Variants in IL17RE observed in about 807,000 individuals in gnomAD.
The protein encoded by IL17RE is interleukin 17 receptor E.
A neutral mutation model predicts 70.7 loss-of-function variants in IL17RE; 47 were observed. The ratio of observed to expected loss-of-function variants is 0.67; its 90% CI spans 0.53 to 0.85. The LOEUF (loss-of-function observed/expected upper bound fraction) is 0.85. IL17RE is among the 40% of genes least tolerant of loss of function. IL17RE has a pLI of 0.00. For missense variants in IL17RE, 850 were observed against 893.9 expected (o/e 0.95, Z 0.63); for synonymous variants, 372 against 381.2 (o/e 0.98, Z 0.28).
At position 9,911,443 on chromosome 3, in the gene IL17RE, G is replaced by C; in HGVS notation, c.1073G>C (p.Gly358Ala). ...SSHVECPHQT[G>A]SLTSWNVSMD... ...AACACCCCCACCCCGCCCCAAACAGGGTCTCTCACATCCTGGAATGTAAGC... is the reference window on the plus strand; with the variant it reads ...AACACCCCCACCCCGCCCCAAACAGCGTCTCTCACATCCTGGAATGTAAGC... The change falls in exon 12 of 16, where the codon GGG becomes GCG. Residue 358 changes from glycine (G) to alanine (A), a missense_variant and splice_region_variant. Gly to Ala is a moderately conservative substitution (Grantham distance 60). Coordinates refer to ENST00000383814, the MANE Select transcript of IL17RE (RefSeq NM_153480.2). The C allele has an allele frequency of 6.2e-7, 1 of 1,613,878 alleles. No individual in the cohort carries two copies. Among genetic ancestry groups the C allele is most frequent in the Non-Finnish European group, 8.5e-7 (1 of 1,179,914 alleles).
chr3:9,912,924 C>A (rs955687203), intron 12 of IL17RE, among the ~76,000 whole-genome samples: 4 of 152,030 alleles, frequency 2.6e-5, no homozygotes, highest in African/African-American at 9.7e-5. Flanking sequence ...TTGTGCCCAC[C>A]CTGTAGCAGG....
intron 13 of IL17RE, 114 bp from the exon 14 acceptor site, chr3:9,914,434 G>A: frequency 6.5e-7 from 1 of 1,537,080 alleles, no homozygotes; most frequent in Non-Finnish European, 8.7e-7. Context: ...AACCCACCTG[G>A]GAAGAATTCC....
At position 9,914,681 on chromosome 3, in the gene IL17RE, T is replaced by TTGGC; in HGVS notation, c.1351_1352insTGGC (p.Ser451LeufsTer61). 1 of 1,614,112 alleles carries TTGGC rather than the reference T, an allele frequency of 6.2e-7. No individual in the cohort carries two copies. The highest frequency in any genetic ancestry group is 8.5e-7 in the Non-Finnish European group (1 of 1,179,972). On this transcript the variant is annotated frameshift_variant, in exon 15 of 16. Transcript: ENST00000383814. LOFTEE classifies it high-confidence loss of function. ...TGGCCTCATCCTGCTTGACTCAGTC[T>TTGGC]CTTACAGACACCTGGGGCTCTTGAT...
chr3:9,908,715 T>A (rs2082816812), intron 7 of IL17RE, among the ~76,000 whole-genome samples: 1 of 152,176 alleles, frequency 6.6e-6, no homozygotes. Flanking sequence ...CCTTTTCTCT[T>A]TACAAGTCTA....
Position 9,903,052 on chromosome 3 carries a change from G to A in IL17RE, c.120G>A (p.Leu40=). The change falls in exon 1 of 16, where the codon CTG becomes CTA. Residue 40 remains leucine (L), a synonymous_variant. Coordinates refer to ENST00000383814, the MANE Select transcript of IL17RE (RefSeq NM_153480.2). ...CCCACTGGAACACCCGCTGTCCTCT[G>A]GCCTCCCACACGGTAAGGTGCTGCT... is the stretch of plus-strand genomic sequence containing the variant. The part of the protein sequence containing the change: ...HLPHWNTRCP[L]ASHTDDSFTG... The A allele has an allele frequency of 6.2e-7, 1 of 1,614,068 alleles. No homozygotes were observed. Among genetic ancestry groups the A allele is most frequent in the Non-Finnish European group, 8.5e-7 (1 of 1,179,944 alleles).
At chr3:9,905,807 A>G (rs970081796) in intron 3 of IL17RE, among the ~76,000 whole-genome samples, 2 of 151,350 alleles carry the variant, frequency 1.3e-5, no homozygotes, top group Non-Finnish European at 3.0e-5. Flanking sequence ...GTGACAGAGC[A>G]AGGCTCCGTC....
At chr3:9,903,980 A>G (rs559143008) in intron 2 of IL17RE, 52 bp from the exon 3 acceptor site, 1 of 1,603,660 alleles carries the variant, frequency 6.2e-7, no homozygotes. Flanking sequence ...TGTTGGAGGT[A>G]GGAGGGACCT....
At chr3:9,907,800 T>C (rs951116368) in intron 6 of IL17RE, among the ~76,000 whole-genome samples, 4 of 152,134 alleles carry the variant, frequency 2.6e-5, no homozygotes, top group African/African-American at 9.7e-5. Flanking sequence ...GGCCCCAGCA[T>C]CCCACCTCAA....
At chr3:9,914,967 G>A (rs1217807387) in intron 15 of IL17RE, among the ~76,000 whole-genome samples, 190 bp downstream of exon 15, 2 of 152,238 alleles carry the variant, frequency 1.3e-5, no homozygotes, top group African/African-American at 4.8e-5. Context: ...TATTGTCACT[G>A]TACTGAGTCT....
chr3:9,910,724 C>T (rs970861766), intron 8 of IL17RE, 141 bp from the exon 9 acceptor site: 4 of 658,112 alleles, frequency 6.1e-6, no homozygotes, highest in Non-Finnish European at 1.1e-5. Flanking sequence ...AAGGGATGCT[C>T]ATTGATTTAG....
intron 15 of IL17RE, 123 bp downstream of exon 15, chr3:9,914,900 C>T: frequency 2.4e-6 from 2 of 823,686 alleles, no homozygotes; most frequent in Non-Finnish European, 3.8e-6. Context: ...AGGCAGGGAG[C>T]CTCAGGCCCC....
rs2082959600 is a variant in IL17RE, at chr3:9,914,294, C to T, written c.1297-254C>T. ...TGCCATCTGATTGTTTCAGTCAGGG[C>T]CTGTGCTCTCCAGGTCCTCACAGCA... is the stretch of plus-strand genomic sequence containing the variant. On this transcript the variant is annotated intron_variant, in intron 13 of 15. Transcript: ENST00000383814. The T allele has an allele frequency of 1.0e-5, 9 of 883,756 alleles. No individual in the cohort carries two copies. In the East Asian group the frequency reaches 2.4e-4, roughly 24 times the overall value. 54.7% of individuals were successfully genotyped at this position (883,756 alleles called of 1,614,324 possible).
intron 12 of IL17RE, among the ~76,000 whole-genome samples, chr3:9,913,592 A>G (rs1025534817): frequency 2.0e-5 from 3 of 152,140 alleles, no homozygotes; most frequent in African/African-American, 7.2e-5. Context: ...ATTCTTTTCA[A>G]TGATATGTTT....
chr3:9,902,254 G>A (rs796185044), upstream of IL17RE, among the ~76,000 whole-genome samples: 15 of 152,294 alleles, frequency 9.8e-5, no homozygotes, highest in East Asian at 1.9e-4. Context: ...TGAGCAGGGC[G>A]TACTGACTAG....
At position 9,915,335 on chromosome 3, in the gene IL17RE, T is replaced by C. The variant is rs1467836826; in HGVS notation, c.1532T>C (p.Leu511Pro). Residue 511 changes from leucine to proline, a missense_variant, in exon 16 of 16, where the codon CTG becomes CCG. Physicochemically the swap from Leu to Pro is moderately conservative, Grantham distance 98. Transcript: ENST00000383814. This position sits in a 1 kb window ranked among gnomAD's most constrained non-coding sequence, Gnocchi z 4.9. ...QRRLVGALAELLRAALGGGRD... is the reference protein window; with the variant it reads ...QRRLVGALAEPLRAALGGGRD... Reference sequence around the variant, plus strand: ...CGCCTGGTGGGAGCGCTGGCTGAACTGCTACGGGCAGCGCTGGGCGGCGGG... The same window carrying C: ...CGCCTGGTGGGAGCGCTGGCTGAACCGCTACGGGCAGCGCTGGGCGGCGGG... 3 of 1,389,186 alleles carry C rather than the reference T, an allele frequency of 2.2e-6. No homozygotes were observed. Among genetic ancestry groups the C allele is most frequent in the Non-Finnish European group, 2.8e-6 (3 of 1,080,840 alleles). The allele number at this position is 1,389,186 out of a possible 1,614,324, so 86.1% of individuals were successfully genotyped here.
intron 6 of IL17RE, among the ~76,000 whole-genome samples, 162 bp from the exon 7 acceptor site, chr3:9,908,077 C>T (rs547999612): frequency 1.3e-5 from 2 of 152,314 alleles, no homozygotes; most frequent in East Asian, 3.9e-4. Context: ...GATTAGATTA[C>T]TAAGCAGACA....
rs1418125937 is a variant in IL17RE, at chr3:9,906,971, C to T, written c.537C>T (p.Phe179=). Residue 179 remains phenylalanine, a synonymous_variant, in exon 6 of 16, where the codon TTC becomes TTT. Transcript: ENST00000383814. The part of the protein sequence containing the change: ...LDSQRHGGPE[F]SFDLLPEARA... ...CCTTCCTCTCCCCAGGACCCGAGTT[C>T]TCCTTTGATTTGCTGCCTGAGGCCC... The T allele has an allele frequency of 7.4e-6, 12 of 1,614,178 alleles. No homozygotes were observed. Among genetic ancestry groups the T allele is most frequent in the Non-Finnish European group, 1.0e-5 (12 of 1,180,028 alleles).
chr3:9,913,560 G>T (rs2082942865), intron 12 of IL17RE, among the ~76,000 whole-genome samples: 1 of 152,164 alleles, frequency 6.6e-6, no homozygotes, highest in Non-Finnish European at 1.5e-5. Context: ...CTGGACCCAG[G>T]TCTCCTGACC....
chr3:9,905,094 C>CA (rs71626946), intron 3 of IL17RE, among the ~76,000 whole-genome samples: 28,187 of 56,030 alleles, frequency 0.5, 7,615 homozygotes, highest in Non-Finnish European at 0.6. Flanking sequence ...GACCCTGTCT[C>CA]AAAAAAAAAA....
Sources: gnomAD v4.1 joint callset for allele counts (sites outside exome capture counted in the v4.1 genomes callset) on GRCh38, gnomAD v4.1.1 for gene constraint, Gnocchi (gnomAD v3.1) non-coding constraint, MANE v1.5 for transcripts, NCBI Gene and HGNC (gene_info 2026-07-23, HGNC 2026-07-21) for gene names.